Variants in FRMD6 observed in about 807,000 individuals in gnomAD.
The protein encoded by FRMD6 is FERM domain-containing protein 6.
A neutral mutation model predicts 73.2 loss-of-function variants in FRMD6; 37 were observed. The ratio of observed to expected loss-of-function variants is 0.51; its 90% CI spans 0.39 to 0.66. The LOEUF (loss-of-function observed/expected upper bound fraction) is 0.66. Ranked by LOEUF, FRMD6 falls within the 30% of genes least tolerant of loss-of-function variation. The pLI, the probability that FRMD6 is intolerant of heterozygous loss-of-function variation, is 0.00. For missense variants in FRMD6, 714 were observed against 780.5 expected (o/e 0.91, Z 1.02); for synonymous variants, 273 against 282.2 (o/e 0.97, Z 0.33).
At chr14:51,414,023 G>A in the FRMD6 span, among the ~76,000 whole-genome samples, 4 of 152,288 alleles carry the variant, frequency 2.6e-5, no homozygotes, top group Admixed American at 1.3e-4. Flanking sequence ...TGGTAAATTT[G>A]TTTAAGCCCT....
chr14:51,730,499 G>A lies in FRMD6; in HGVS notation c.*2470G>A, dbSNP rs1049572670. The A allele has an allele frequency of 2.0e-5, 3 of 152,542 alleles. No individual in the cohort carries two copies. Among genetic ancestry groups the A allele is most frequent in the Admixed American group, 6.5e-5 (1 of 15,274 alleles). 9.4% of individuals were successfully genotyped at this position (152,542 alleles called of 1,614,324 possible). A position where few individuals can be genotyped will look rare whatever the true frequency, so the allele number is the denominator to read the frequency against. ...TGCATTTCTTACATATCTATCGCTT[G>A]TCAGTATACCCGTTTTGGTATATAT... On this transcript the variant is annotated 3_prime_UTR_variant, in exon 14 of 14. Coordinates refer to ENST00000344768, the MANE Select transcript of FRMD6 (RefSeq NM_001267046.2).
chr14:51,419,646 A>G, the FRMD6 span, among the ~76,000 whole-genome samples: 3 of 152,202 alleles, frequency 2.0e-5, no homozygotes, highest in Non-Finnish European at 2.9e-5. Flanking sequence ...TGGGGTCCCA[A>G]GATTTAATTT....
At chr14:51,437,040 A>T in the FRMD6 span, 1 of 489,568 alleles carries the variant, frequency 2.0e-6, no homozygotes, top group Non-Finnish European at 3.7e-6. Context: ...ACAACGTGCA[A>T]GTTTGTTACA....
At chr14:51,603,635 C>T (rs1890127792) in intron 2 of FRMD6, among the ~76,000 whole-genome samples, 1 of 152,164 alleles carries the variant, frequency 6.6e-6, no homozygotes, top group Non-Finnish European at 1.5e-5. Context: ...TCCTGGGAGA[C>T]AGTGGAGCAA....
chr14:51,446,208 C>T, the FRMD6 span, among the ~76,000 whole-genome samples: 3 of 152,122 alleles, frequency 2.0e-5, no homozygotes, highest in South Asian at 2.1e-4. Flanking sequence ...TGATCTGCAT[C>T]GCAGCAGAGC....
rs185840255 is a variant in FRMD6, at chr14:51,659,409, T to G, written c.-147+7413T>G. ...TTATTGGAGGTTCCCAAGCCTTCAT[T>G]TATAAGCATTTCATGAGATTTAACT... On this transcript the variant is annotated intron_variant, in intron 1 of 13. Coordinates refer to ENST00000344768, the MANE Select transcript of FRMD6 (RefSeq NM_001267046.2). Among the ~76,000 whole-genome samples, 31 of 152,212 alleles carry G rather than the reference T, an allele frequency of 2.0e-4. 1 individual carries two copies. Among genetic ancestry groups the G allele is most frequent in the Non-Finnish European group, 2.9e-5 (2 of 68,034 alleles).
intron 1 of FRMD6, among the ~76,000 whole-genome samples, chr14:51,522,477 T>C (rs1285658442): frequency 6.6e-6 from 1 of 152,194 alleles, no homozygotes; most frequent in Non-Finnish European, 1.5e-5. Context: ...GTCTACCATA[T>C]TGCTATTATA....
In FRMD6 at chr14:51,730,545, T is replaced by A. The variant is rs1898203057; in HGVS notation, c.*2516T>A. 1 of 152,634 alleles carries A rather than the reference T, an allele frequency of 6.6e-6. No homozygotes were observed. Among genetic ancestry groups the A allele is most frequent in the Admixed American group, 6.5e-5 (1 of 15,286 alleles). 9.5% of individuals were successfully genotyped at this position (152,634 alleles called of 1,614,324 possible). On this transcript the variant is annotated 3_prime_UTR_variant, in exon 14 of 14. Coordinates refer to ENST00000344768, the MANE Select transcript of FRMD6 (RefSeq NM_001267046.2). ...TATATTGCCTCTGCACATCTACATT[T>A]GTATATGCAACAGTGAGCTTTATAT...
the FRMD6 span, among the ~76,000 whole-genome samples, chr14:51,440,825 C>T: frequency 3.2e-4 from 48 of 152,334 alleles, no homozygotes; most frequent in Admixed American, 1.2e-3. Flanking sequence ...CCTAACAACT[C>T]AATCAAGAAG....
At position 51,720,205 on chromosome 14, in the gene FRMD6, C is replaced by G. The variant is rs1897466172; in HGVS notation, c.1175C>G (p.Ser392Cys). 6.2e-7 allele frequency: 1 copy of G among 1,613,992 alleles called. No individual in the cohort carries two copies. The highest frequency in any genetic ancestry group is 1.7e-5 in the Admixed American group (1 of 60,002). The change falls in exon 11 of 14, where the codon TCC (serine) becomes TGC (cysteine). Residue 392 changes from serine (S) to cysteine (C), a missense_variant. Transcript: ENST00000344768. ...SRHSTASHSS[S>C]HTSGIEADTK... ...CATTCCACCGCCAGCCACAGCAGTTCCCACACCTCGGGCATTGAGGCAGAC... is the reference window on the plus strand; with the variant it reads ...CATTCCACCGCCAGCCACAGCAGTTGCCACACCTCGGGCATTGAGGCAGAC...
chr14:51,410,703 G>A, the FRMD6 span, among the ~76,000 whole-genome samples: 1 of 152,122 alleles, frequency 6.6e-6, no homozygotes, highest in South Asian at 2.1e-4. Flanking sequence ...GGTCAAACAC[G>A]TTCATACATT....
At chr14:51,469,619 A>G in the FRMD6 span, among the ~76,000 whole-genome samples, 553 of 29,350 alleles carry the variant, frequency 0.019, no homozygotes, top group African/African-American at 0.073. Context: ...TTTCAAAAAG[A>G]AAAAAAAAAA....
At chr14:51,459,857 T>C in the FRMD6 span, among the ~76,000 whole-genome samples, 2 of 120,302 alleles carry the variant, frequency 1.7e-5, no homozygotes, top group Non-Finnish European at 3.4e-5. Flanking sequence ...AGCTGACGCA[T>C]ACAGCTGACT....
At chr14:51,512,541 A>G (rs2140261221) in intron 1 of FRMD6, among the ~76,000 whole-genome samples, 1 of 151,726 alleles carries the variant, frequency 6.6e-6, no homozygotes, top group South Asian at 2.1e-4. Flanking sequence ...TACCTCAGCA[A>G]CTCCTTGCCC....
intron 1 of FRMD6, among the ~76,000 whole-genome samples, chr14:51,680,480 C>G (rs1376654426): frequency 6.6e-6 from 1 of 152,120 alleles, no homozygotes; most frequent in Non-Finnish European, 1.5e-5. Context: ...TATAAACTGT[C>G]TAAGGGCTAA....
the FRMD6 span, chr14:51,436,334 T>C: frequency 2.6e-6 from 1 of 385,072 alleles, no homozygotes; most frequent in Non-Finnish European, 5.0e-6. Flanking sequence ...CAACATTTGT[T>C]AACCATCCAA....
rs140294864 is a variant in FRMD6, at chr14:51,500,387, C to T, written c.-210+10967C>T. ...ACTAAAAATACACAAATTAGCCAGG[C>T]GTGGTGGCACGCGTCTGTAATCCCA... On this transcript the variant is annotated intron_variant, in intron 1 of 14. Coordinates refer to the FRMD6 transcript ENST00000356218. Among the ~76,000 whole-genome samples, 60 of 152,102 alleles carry T rather than the reference C, an allele frequency of 3.9e-4. 2 individuals carry two copies. In the East Asian group the frequency reaches 0.01, roughly 26 times the overall value.
chr14:51,566,082 A>G (rs1010969097), intron 1 of FRMD6, among the ~76,000 whole-genome samples: 7 of 152,144 alleles, frequency 4.6e-5, no homozygotes, highest in Non-Finnish European at 5.9e-5. Context: ...GGAGAATGGC[A>G]TGAACCCAGG....
In FRMD6 at chr14:51,664,396, C is replaced by T. The variant is rs144393081; in HGVS notation, c.-147+12400C>T. On this transcript the variant is annotated intron_variant, in intron 1 of 13. Coordinates refer to ENST00000344768, the MANE Select transcript of FRMD6 (RefSeq NM_001267046.2). ...GGGAACTACCTTTGAATTTTGCTAACTGTCTGTAATACTGTCATCAAAATG... is the reference window on the plus strand; with the variant it reads ...GGGAACTACCTTTGAATTTTGCTAATTGTCTGTAATACTGTCATCAAAATG... Among the ~76,000 whole-genome samples, 86 of 152,302 alleles carry T rather than the reference C, an allele frequency of 5.6e-4. 2 individuals are homozygous for T. The East Asian group carries it at 0.014, about 24-fold the overall frequency.
Sources: gnomAD v4.1 joint callset for allele counts (sites outside exome capture counted in the v4.1 genomes callset) on GRCh38, gnomAD v4.1.1 for gene constraint, MANE v1.5 for transcripts, NCBI Gene and HGNC (gene_info 2026-07-23, HGNC 2026-07-21) for gene names.